The following RFPL2 variants were observed in gnomAD, a reference collection of about 807,000 sequenced individuals.
RFPL2 encodes the protein ret finger protein-like 2.
RFPL2 carries 13 observed loss-of-function variants against 17.8 expected under a neutral mutation model. The observed-to-expected ratio is 0.73, with a 90% CI of 0.47 to 1.16. The LOEUF is 1.16. Among genes scored for constraint, RFPL2 ranks in the 50% most tolerant of loss-of-function variants. The pLI, the probability that RFPL2 is intolerant of heterozygous loss-of-function variation, is 0.00. For missense variants in RFPL2, 431 were observed against 479.3 expected, an observed-to-expected ratio of 0.90 and a Z score of 0.94; for synonymous variants, 189 against 180.9, an observed-to-expected ratio of 1.04 and a Z score of -0.36.
rs373599139 is a variant in RFPL2, at chr22:32,193,939, G to A, written c.265+406C>T. Among the ~76,000 whole-genome samples, 972 of 151,144 alleles carry A rather than the reference G, an allele frequency of 6.4e-3. 6 individuals are homozygous for A. Among genetic ancestry groups the A allele is most frequent in the Non-Finnish European group, 0.01 (695 of 67,886 alleles). On this transcript the variant is annotated intron_variant, in intron 3 of 4. Coordinates refer to ENST00000652607, the MANE Select transcript of RFPL2 (RefSeq NM_001394555.1). ...TGTAATCCCAGCATTTTGCGAGGCC[G>A]AGGCAGGAAGATCCCTTGAACCGAG...
Position 32,201,118 on chromosome 22 carries a change from A to C in RFPL2, c.119+1215T>G, listed in dbSNP as rs188718025. Among the ~76,000 whole-genome samples the C allele has an allele frequency of 3.4e-4, 51 of 150,542 alleles. 2 individuals are homozygous for C. The East Asian group carries it at 8.4e-3, about 25-fold the overall frequency. On this transcript the variant is annotated intron_variant, in intron 2 of 4. Transcript: ENST00000652607. ...AGTGGTGCAATCTCAGCTCACTGCA[A>C]GCTCTACCTTCCAGGTTCACGCCAT...
chr22:32,198,098 G>T (rs1286931419), intron 2 of RFPL2, among the ~76,000 whole-genome samples: 1 of 152,156 alleles, frequency 6.6e-6, no homozygotes, highest in Non-Finnish European at 1.5e-5. Context: ...TCTGGGCCAA[G>T]CTGCCCCTTC....
Position 32,194,354 on chromosome 22 carries a change from T to G in RFPL2, c.256A>C (p.Ser86Arg). Reference sequence around the variant, plus strand: ...ACAGGCATGGGCTCACCTCTTCTGCTGGAAGCTCCTCTGTCCTCCAGCTGC... The same window carrying G: ...ACAGGCATGGGCTCACCTCTTCTGCGGGAAGCTCCTCTGTCCTCCAGCTGC... The part of the protein sequence containing the change: ...WKQLEDRGAS[S>R]RRVDMAALFQ... The change falls in exon 3 of 5, where the codon AGC (serine) becomes CGC (arginine). Residue 86 changes from serine (S) to arginine (R), a missense_variant. Ser to Arg is a moderately radical substitution (Grantham distance 110). Coordinates refer to ENST00000652607, the MANE Select transcript of RFPL2 (RefSeq NM_001394555.1). The G allele has an allele frequency of 6.2e-7, 1 of 1,603,520 alleles. No homozygotes were observed. Among genetic ancestry groups the G allele is most frequent in the Non-Finnish European group, 8.5e-7 (1 of 1,177,040 alleles).
At chr22:32,197,455 G>A (rs535655465) in intron 2 of RFPL2, among the ~76,000 whole-genome samples, 216 of 150,884 alleles carry the variant, frequency 1.4e-3, no homozygotes, top group Non-Finnish European at 2.6e-3. Context: ...GGGTGCATGC[G>A]CACAACATGT....
intron 3 of RFPL2, among the ~76,000 whole-genome samples, chr22:32,193,751 T>A (rs1922988018): frequency 6.7e-6 from 1 of 150,350 alleles, no homozygotes; most frequent in Non-Finnish European, 1.5e-5. Context: ...TAATCCCAGA[T>A]ACTTGGGAGG....
intron 3 of RFPL2, chr22:32,193,407 G>T: frequency 1.3e-6 from 2 of 1,519,398 alleles, no homozygotes; most frequent in Non-Finnish European, 1.8e-6. Flanking sequence ...TCATCACTGT[G>T]CTCTGAGCTG....
intron 2 of RFPL2, among the ~76,000 whole-genome samples, chr22:32,198,616 G>A (rs753253698): frequency 1.3e-5 from 2 of 151,952 alleles, no homozygotes; most frequent in South Asian, 2.1e-4. Flanking sequence ...CTGCTCTCCC[G>A]AAGGTACTGA....
intron 2 of RFPL2, among the ~76,000 whole-genome samples, chr22:32,196,795 G>A (rs1923379764): frequency 2.0e-5 from 3 of 152,320 alleles, no homozygotes; most frequent in Middle Eastern, 3.4e-3. Flanking sequence ...ATAGTGCAGG[G>A]TGAGGCAGCC....
chr22:32,202,228 A>C, intron 2 of RFPL2, 105 bp downstream of exon 2: 2 of 1,400,944 alleles, frequency 1.4e-6, no homozygotes, highest in Non-Finnish European at 1.9e-6. Flanking sequence ...CTCTCCCTCC[A>C]TCCCCACATC....
chr22:32,202,699 T>G (rs1417451073), intron 1 of RFPL2, 149 bp from the exon 2 acceptor site: 1 of 1,312,744 alleles, frequency 7.6e-7, no homozygotes, highest in African/African-American at 1.5e-5. Flanking sequence ...AACTGCGGCC[T>G]GGAGTGGGGA....
chr22:32,191,441 C>G, intron 4 of RFPL2, 89 bp from the exon 5 acceptor site: 1 of 1,449,462 alleles, frequency 6.9e-7, no homozygotes, highest in Non-Finnish European at 9.3e-7. Flanking sequence ...TATCTCTTGA[C>G]TTTAGTTTCT....
chr22:32,203,489 C>G (rs1924182257), intron 1 of RFPL2: 1 of 152,326 alleles, frequency 6.6e-6, no homozygotes, highest in African/African-American at 2.4e-5. Context: ...GGCACCCAAT[C>G]TGCCACCCAC....
chr22:32,196,403 T>G (rs136486), intron 2 of RFPL2, among the ~76,000 whole-genome samples: 83,610 of 152,126 alleles, frequency 0.55, 25,528 homozygotes, highest in African/African-American at 0.82. Flanking sequence ...AAAAAATGAT[T>G]TACAGTGGGA....
chr22:32,192,779 T>C (rs1448526452), intron 4 of RFPL2, 123 bp downstream of exon 4: 5 of 1,339,814 alleles, frequency 3.7e-6, no homozygotes, highest in Admixed American at 2.3e-5. Flanking sequence ...AATCTGATGA[T>C]GAAGCATCTC....
intron 2 of RFPL2, among the ~76,000 whole-genome samples, chr22:32,194,891 T>A (rs1923155654): frequency 6.6e-6 from 1 of 152,182 alleles, no homozygotes; most frequent in Non-Finnish European, 1.5e-5. Flanking sequence ...TTTGAAAAAA[T>A]TTCATAATTC....
chr22:32,194,784 A>G (rs992804017), intron 2 of RFPL2, among the ~76,000 whole-genome samples: 36 of 152,340 alleles, frequency 2.4e-4, no homozygotes, highest in Middle Eastern at 3.4e-3. Context: ...AAAATGGTTT[A>G]AATTCATATA....
In RFPL2 at chr22:32,194,388, G is replaced by A; in HGVS notation, c.222C>T (p.Ala74=). ...CTCTGTCCTCCAGCTGCTTCCACTG[G>A]GCGCTCAGGTCTTGTGGGGAAGGGG... is the stretch of plus-strand genomic sequence containing the variant. The part of the protein sequence containing the change: ...SCAPSPQDLS[A]QWKQLEDRGA... Residue 74 remains alanine (A), a synonymous_variant, in exon 3 of 5, where the codon GCC becomes GCT. Coordinates refer to ENST00000652607, the MANE Select transcript of RFPL2 (RefSeq NM_001394555.1). 3 of 1,605,202 alleles carry A rather than the reference G, an allele frequency of 1.9e-6. No homozygotes were observed. The highest frequency in any genetic ancestry group is 1.3e-5 in the African/African-American group (1 of 74,172).
At chr22:32,200,487 G>A (rs957569343) in intron 2 of RFPL2, among the ~76,000 whole-genome samples, 1 of 152,118 alleles carries the variant, frequency 6.6e-6, no homozygotes, top group Non-Finnish European at 1.5e-5. Flanking sequence ...CCCAGGGGGA[G>A]AGGCTCCCAG....
intron 2 of RFPL2, among the ~76,000 whole-genome samples, chr22:32,195,403 A>G (rs1014345624): frequency 1.3e-5 from 2 of 152,086 alleles, no homozygotes; most frequent in African/African-American, 2.4e-5. Flanking sequence ...TGATACATGC[A>G]TGTATAATAA....
Sources: gnomAD v4.1 joint callset for allele counts (sites outside exome capture counted in the v4.1 genomes callset) on GRCh38, gnomAD v4.1.1 for gene constraint, MANE v1.5 for transcripts, NCBI Gene and HGNC (gene_info 2026-07-23, HGNC 2026-07-21) for gene names.